Variants in SAMD12 observed in about 807,000 individuals in gnomAD.
SAMD12 encodes the protein sterile alpha motif domain containing 12.
Under a neutral mutation model 15.0 loss-of-function variants are expected in SAMD12, and 9 were observed. The observed-to-expected ratio is 0.60, with a 90% CI of 0.36 to 1.05. The LOEUF (loss-of-function observed/expected upper bound fraction) is 1.05. Among genes scored for constraint, SAMD12 ranks in the 50% least tolerant of loss-of-function variants. SAMD12 has a pLI of 0.01. For synonymous variants in SAMD12, 86 were observed against 90.1 expected, an observed-to-expected ratio of 0.96 and a Z score of 0.25; for missense variants, 230 against 234.2, an observed-to-expected ratio of 0.98 and a Z score of 0.12.
chr8:118,216,021 A>T (rs1202349089), intron 4 of SAMD12, among the ~76,000 whole-genome samples: 1 of 151,548 alleles, frequency 6.6e-6, no homozygotes, highest in African/African-American at 2.4e-5. Context: ...CTAGTTCTAG[A>T]TCCCTGAGGA....
intron 4 of SAMD12, among the ~76,000 whole-genome samples, chr8:118,208,761 C>CT: frequency 6.6e-6 from 1 of 152,226 alleles, no homozygotes; most frequent in African/African-American, 2.4e-5. Flanking sequence ...TTGACAGCGC[C>CT]ACTCTGTAGT....
chr8:118,163,779 G>A, the SAMD12 span, among the ~76,000 whole-genome samples: 8 of 152,124 alleles, frequency 5.3e-5, no homozygotes, highest in Non-Finnish European at 7.3e-5. Context: ...GGAGGCTGAG[G>A]CGGGAGAATG....
chr8:118,606,552 G>T (rs1723035569), intron 1 of SAMD12, among the ~76,000 whole-genome samples: 1 of 151,462 alleles, frequency 6.6e-6, no homozygotes, highest in South Asian at 2.1e-4. Context: ...AGATGCCAAA[G>T]CTATCAGCTA....
At chr8:118,183,637 T>G in the SAMD12 span, among the ~76,000 whole-genome samples, 1 of 152,172 alleles carries the variant, frequency 6.6e-6, no homozygotes, top group Non-Finnish European at 1.5e-5. Context: ...CTTAATTTCT[T>G]TATGTGTGAA....
At chr8:118,321,144 A>AATAAATAAATATATATAT (rs57107358) in intron 4 of SAMD12, among the ~76,000 whole-genome samples, 21 of 94,472 alleles carry the variant, frequency 2.2e-4, no homozygotes, top group African/African-American at 8.1e-4. Context: ...ATAGATAATA[A>AATAAATAAATATATATAT]ATATATATAT....
At chr8:118,225,171 C>T (rs1382426508) in intron 4 of SAMD12, among the ~76,000 whole-genome samples, 3 of 152,050 alleles carry the variant, frequency 2.0e-5, no homozygotes, top group Non-Finnish European at 4.4e-5. Flanking sequence ...AGTAGTTCTC[C>T]CTAGACTTCT....
At chr8:118,514,141 C>T (rs1825163777) in intron 2 of SAMD12, among the ~76,000 whole-genome samples, 1 of 152,036 alleles carries the variant, frequency 6.6e-6, no homozygotes, top group Non-Finnish European at 1.5e-5. Context: ...AGATCAGCAA[C>T]CCTCCCCATC....
intron 2 of SAMD12, among the ~76,000 whole-genome samples, chr8:118,539,468 T>G (rs1825933856): frequency 6.6e-6 from 1 of 152,208 alleles, no homozygotes; most frequent in African/African-American, 2.4e-5. Context: ...TCTTGGTACA[T>G]GGAGAGTTAG....
chr8:118,578,344 T>G (rs1038355993), intron 2 of SAMD12, among the ~76,000 whole-genome samples: 11 of 152,176 alleles, frequency 7.2e-5, no homozygotes, highest in African/African-American at 2.4e-4. Context: ...TATGAATGAT[T>G]ATTTCCTTAG....
chr8:118,401,840 G>A (rs1020629694), intron 3 of SAMD12, among the ~76,000 whole-genome samples: 1 of 152,134 alleles, frequency 6.6e-6, no homozygotes, highest in African/African-American at 2.4e-5. Flanking sequence ...TCTACTAAAT[G>A]TGCTTCTGTA....
intron 3 of SAMD12, among the ~76,000 whole-genome samples, chr8:118,409,097 G>T (rs1156617959): frequency 6.6e-6 from 1 of 152,060 alleles, no homozygotes; most frequent in Admixed American, 6.5e-5. Context: ...GGGCTGTTAT[G>T]AAATGTAATA....
At chr8:118,501,924 G>C (rs1824792968) in intron 2 of SAMD12, among the ~76,000 whole-genome samples, 1 of 151,718 alleles carries the variant, frequency 6.6e-6, no homozygotes, top group Non-Finnish European at 1.5e-5. Context: ...GGCTGAGGCA[G>C]GAGAATGGCA....
intron 3 of SAMD12, among the ~76,000 whole-genome samples, chr8:118,424,395 G>A (rs947139562): frequency 6.6e-6 from 1 of 152,028 alleles, no homozygotes; most frequent in Non-Finnish European, 1.5e-5. Context: ...TTAATTTTAG[G>A]GAAAGGGAAA....
the SAMD12 span, among the ~76,000 whole-genome samples, chr8:118,180,667 G>A: frequency 3.3e-5 from 5 of 151,798 alleles, no homozygotes; most frequent in African/African-American, 1.2e-4. Flanking sequence ...CCGCCTCCCA[G>A]GCTCAAGCAA....
chr8:118,241,281 G>A (rs1014391581), intron 4 of SAMD12, among the ~76,000 whole-genome samples: 1 of 152,054 alleles, frequency 6.6e-6, no homozygotes, highest in South Asian at 2.1e-4. Context: ...CTGAGGGCAG[G>A]TGTAGAAAAT....
chr8:118,513,081 G>T lies in SAMD12; in HGVS notation c.192+67634C>A, dbSNP rs144550782. On this transcript the variant is annotated intron_variant, in intron 2 of 3. Transcript: ENST00000314727. ...AAACTGGGAACAATTTGAGGGCAGG[G>T]ATCATCTTTATTTTTCTCACAGCCT... Among the ~76,000 whole-genome samples, 3 of 152,042 alleles carry T rather than the reference G, an allele frequency of 2.0e-5. No homozygotes were observed. In the East Asian group the frequency reaches 5.8e-4, roughly 29 times the overall value.
chr8:118,575,768 A>C (rs567266036), intron 2 of SAMD12, among the ~76,000 whole-genome samples: 71 of 152,356 alleles, frequency 4.7e-4, no homozygotes, highest in African/African-American at 1.7e-3. Context: ...AGCAAGGTGA[A>C]GTTTCCTCAT....
chr8:118,147,122 T>C, the SAMD12 span, among the ~76,000 whole-genome samples: 1 of 151,858 alleles, frequency 6.6e-6, no homozygotes, highest in Non-Finnish European at 1.5e-5. Flanking sequence ...CCTCCTGGGT[T>C]CAAGTGATTC....
At chr8:118,619,334 C>A (rs527377918) in intron 1 of SAMD12, among the ~76,000 whole-genome samples, 7 of 152,028 alleles carry the variant, frequency 4.6e-5, no homozygotes, top group Admixed American at 2.0e-4. Context: ...AAAAAATTAG[C>A]CAGGCATGGT....
Sources: allele counts gnomAD v4.1 joint callset (sites outside exome capture counted in the v4.1 genomes callset), GRCh38; gene constraint gnomAD v4.1.1; transcripts MANE v1.5; gene names NCBI Gene and HGNC (gene_info 2026-07-23, HGNC 2026-07-21).